The following KIF3A variants were observed in gnomAD, a reference collection of about 807,000 sequenced individuals.
The protein encoded by KIF3A is kinesin-like protein KIF3A.
KIF3A carries 27 observed loss-of-function variants against 92.6 expected under a neutral mutation model. That is an observed-to-expected ratio of 0.29 (90% CI 0.21 to 0.40). The LOEUF (loss-of-function observed/expected upper bound fraction) is 0.40. Among genes scored for constraint, KIF3A ranks in the 10% least tolerant of loss-of-function variants. The pLI is 1.00. For missense variants in KIF3A, 581 were observed against 872.6 expected, an observed-to-expected ratio of 0.67 and a Z score of 4.21; for synonymous variants, 250 against 275.4, an observed-to-expected ratio of 0.91 and a Z score of 0.92.
chr5:132,737,073 C>T (rs1287461075), intron 1 of KIF3A: 1 of 413,998 alleles, frequency 2.4e-6, no homozygotes, highest in African/African-American at 2.1e-5. Flanking sequence ...TCCAAAGAGC[C>T]CCACCGTGGC....
chr5:132,707,302 T>C (rs1354313548), intron 10 of KIF3A, among the ~76,000 whole-genome samples: 1 of 152,090 alleles, frequency 6.6e-6, no homozygotes, highest in Non-Finnish European at 1.5e-5. Context: ...AAAAAGGCCA[T>C]TGAGATATTT....
At chr5:132,716,182 T>C (rs963936329) in intron 7 of KIF3A, 63 bp downstream of exon 7, 17 of 1,320,028 alleles carry the variant, frequency 1.3e-5, no homozygotes, top group Non-Finnish European at 1.6e-5. Context: ...ACGTATCAAT[T>C]ATTGGCATAA....
intron 4 of KIF3A, among the ~76,000 whole-genome samples, chr5:132,724,283 C>T (rs1424543703): frequency 6.6e-6 from 1 of 152,148 alleles, no homozygotes; most frequent in Non-Finnish European, 1.5e-5. Context: ...TTGACCCAGC[C>T]ATCCCATTAC....
At chr5:132,701,221 G>A (rs1272148831) in intron 15 of KIF3A, among the ~76,000 whole-genome samples, 1 of 151,986 alleles carries the variant, frequency 6.6e-6, no homozygotes, top group Non-Finnish European at 1.5e-5. Context: ...AAATTGGCCA[G>A]GCATGGTGGT....
At chr5:132,737,320 C>G (rs1399090619) in intron 1 of KIF3A, 94 bp downstream of exon 1, 1 of 1,420,606 alleles carries the variant, frequency 7.0e-7, no homozygotes, top group Non-Finnish European at 9.5e-7. Flanking sequence ...ACCCAGGCCG[C>G]CTGCCGGCTC....
Position 132,734,229 on chromosome 5 carries a change from C to T in KIF3A, c.256G>A (p.Asp86Asn). 2 of 1,613,280 alleles carry T rather than the reference C, an allele frequency of 1.2e-6. No individual in the cohort carries two copies. The highest frequency in any genetic ancestry group is 1.7e-6 in the Non-Finnish European group (2 of 1,179,622). The change falls in exon 2 of 19, where the codon GAT becomes AAT. Residue 86 changes from aspartate to asparagine, a missense_variant. Around this residue, in one of 5 missense-constraint regions of KIF3A, gnomAD observed 217 missense variants for 299.7 expected, o/e 0.72. Transcript: ENST00000403231. ...VYNLTARPII[D>N]SVLEGYNGTI... ...CCATTGTAGCCTTCAAGTACAGAAT[C>T]AATAATAGGTCTTGCAGTTAAGTTA... is the stretch of plus-strand genomic sequence containing the variant.
intron 8 of KIF3A, 65 bp from the exon 9 acceptor site, chr5:132,711,122 C>A (rs1753408883): frequency 2.8e-6 from 4 of 1,418,994 alleles, no homozygotes; most frequent in Non-Finnish European, 4.0e-6. Context: ...TTAGGAAATA[C>A]CTATATCAGC....
rs1172967224 is a variant in KIF3A at position 132,702,864 on chromosome 5, AAAAAC to A, written c.1647+16_1647+20del. ...AATCTCTCTGGCAAAATACCAAACT[AAAAAC>A]AGAAAGTCACATTACCTCTTTTTCC... On this transcript the variant is annotated intron_variant, in intron 13 of 18. Coordinates refer to ENST00000403231, the MANE Select transcript of KIF3A (RefSeq NM_001300791.2). The A allele has an allele frequency of 6.2e-7, 1 of 1,606,950 alleles. No homozygotes were observed. Among genetic ancestry groups the A allele is most frequent in the African/African-American group, 1.3e-5 (1 of 74,474 alleles).
chr5:132,734,964 G>A (rs1265488282), intron 1 of KIF3A, among the ~76,000 whole-genome samples: 1 of 151,988 alleles, frequency 6.6e-6, no homozygotes, highest in African/African-American at 2.4e-5. Context: ...CTTCTCTACA[G>A]AAAACAATAA....
Position 132,696,364 on chromosome 5 carries a change from T to C in KIF3A, c.*270A>G, listed in dbSNP as rs1262577226. ...CATACATCTAAACTGTAACTCTCTA[T>C]AGTATGAACTGTTCCCCCAACTTCC... On this transcript the variant is annotated 3_prime_UTR_variant, in exon 19 of 19. Coordinates refer to ENST00000403231, the MANE Select transcript of KIF3A (RefSeq NM_001300791.2). The C allele has an allele frequency of 1.0e-5, 3 of 290,944 alleles. No homozygotes were observed. Among genetic ancestry groups the C allele is most frequent in the African/African-American group, 2.2e-5 (1 of 46,258 alleles). 18.0% of individuals were successfully genotyped at this position (290,944 alleles called of 1,614,324 possible). A position where few individuals can be genotyped will look rare whatever the true frequency, so the allele number is the denominator to read the frequency against.
chr5:132,734,677 G>A (rs748692639), intron 1 of KIF3A, among the ~76,000 whole-genome samples, 199 bp from the exon 2 acceptor site: 1 of 152,088 alleles, frequency 6.6e-6, no homozygotes, highest in Non-Finnish European at 1.5e-5. Context: ...AAGGAAAATC[G>A]TTTCTTTTAA....
intron 8 of KIF3A, among the ~76,000 whole-genome samples, chr5:132,712,176 A>C (rs758904314): frequency 4.6e-5 from 7 of 152,354 alleles, no homozygotes; most frequent in Non-Finnish European, 7.4e-5. Context: ...GCTAGTGCCC[A>C]AAACTGGGTT....
At chr5:132,726,553 T>C (rs1453707744) in intron 2 of KIF3A, 55 bp from the exon 3 acceptor site, 13 of 1,466,988 alleles carry the variant, frequency 8.9e-6, no homozygotes, top group African/African-American at 2.8e-5. Context: ...TACAGAACAA[T>C]AGCTCTTAAA....
At position 132,705,899 on chromosome 5, in the gene KIF3A, T is replaced by C. The variant is rs770173188; in HGVS notation, c.1309+552A>G. The stretch of plus-strand genomic sequence containing the variant: ...TTTTAAAAAAACCTTCTTAAACCAA[T>C]CAAACAAAAAAGAAATCTATTTCTA... On this transcript the variant is annotated intron_variant, in intron 11 of 18. Transcript: ENST00000403231. Among the ~76,000 whole-genome samples the C allele has an allele frequency of 3.2e-4, 48 of 152,054 alleles. 1 individual carries two copies. The highest frequency in any genetic ancestry group is 1.0e-3 in the Admixed American group (16 of 15,274).
At chr5:132,728,137 A>C (rs755460522) in intron 2 of KIF3A, among the ~76,000 whole-genome samples, 1 of 152,240 alleles carries the variant, frequency 6.6e-6, no homozygotes, top group Non-Finnish European at 1.5e-5. Flanking sequence ...TAAATAAAAA[A>C]TAAGCTTTAT....
intron 5 of KIF3A, among the ~76,000 whole-genome samples, chr5:132,718,202 G>A (rs1028568735): frequency 1.3e-5 from 2 of 152,042 alleles, no homozygotes; most frequent in Non-Finnish European, 1.5e-5. Context: ...AAATAAATGG[G>A]GTAAGGCAGT....
chr5:132,706,389 T>C lies in KIF3A; in HGVS notation c.1309+62A>G. ...ATTTTAAAAATTTAATGTATTTAAA[T>C]AACATAGTTCTTTATAGGATAAATA... On this transcript the variant is annotated intron_variant, in intron 11 of 18. Coordinates refer to ENST00000403231, the MANE Select transcript of KIF3A (RefSeq NM_001300791.2). 9 of 1,230,336 alleles carry C rather than the reference T, an allele frequency of 7.3e-6. No individual in the cohort carries two copies. The South Asian group carries it at 1.5e-4, about 21-fold the overall frequency. 76.2% of individuals were successfully genotyped at this position (1,230,336 alleles called of 1,614,324 possible). A position where few individuals can be genotyped will look rare whatever the true frequency, so the allele number is the denominator to read the frequency against.
intron 10 of KIF3A, among the ~76,000 whole-genome samples, chr5:132,707,791 A>C (rs1055252076): frequency 2.0e-5 from 3 of 152,346 alleles, no homozygotes; most frequent in Middle Eastern, 3.4e-3. Flanking sequence ...GCTTTAAAAG[A>C]CAGTAAGCTG....
Position 132,715,801 on chromosome 5 carries a change from T to C in KIF3A, c.1085A>G (p.Gln362Arg), listed in dbSNP as rs1188987827. 2 of 1,610,480 alleles carry C rather than the reference T, an allele frequency of 1.2e-6. No homozygotes were observed. The highest frequency in any genetic ancestry group is 1.7e-5 in the Admixed American group (1 of 59,336). ...CAGTTCTTCTATTTCTTTCTGGAAC[T>C]GACGCAGCAAAGCATCCTTTGGATC... ...NEDPKDALLR[Q>R]FQKEIEELKK... Residue 362 changes from glutamine (Q) to arginine (R), a missense_variant, in exon 8 of 19, where the codon CAG becomes CGG. Transcript: ENST00000403231.
Sources: allele counts gnomAD v4.1 joint callset (sites outside exome capture counted in the v4.1 genomes callset), GRCh38; gene constraint gnomAD v4.1.1; regional missense constraint gnomAD v4.1.1; transcripts MANE v1.5; gene names NCBI Gene and HGNC (gene_info 2026-07-23, HGNC 2026-07-21).